Variants in NALF1 observed in about 807,000 individuals in gnomAD.
NALF1 encodes NALCN channel auxiliary factor 1.
A neutral mutation model predicts 48.4 loss-of-function variants in NALF1; 3 were observed. That is an observed-to-expected ratio of 0.06 (90% confidence interval 0.03 to 0.16). The LOEUF (loss-of-function observed/expected upper bound fraction) is 0.16, where lower values mean the gene tolerates loss of function less well. Among genes scored for constraint, NALF1 ranks in the 10% least tolerant of loss-of-function variants. The pLI, the probability that NALF1 is intolerant of heterozygous loss-of-function variation, is 1.00. For missense variants in NALF1, 526 were observed against 571.5 expected (o/e 0.92, Z 0.81); for synonymous variants, 262 against 245.7 (o/e 1.07, Z -0.62).
chr13:107,284,511 A>G (rs894286867), intron 1 of NALF1, among the ~76,000 whole-genome samples: 1 of 152,226 alleles, frequency 6.6e-6, no homozygotes, highest in African/African-American at 2.4e-5. Flanking sequence ...TGTGAAAAAA[A>G]CTAAAATATC....
chr13:107,741,061 T>A (rs983257529), intron 1 of NALF1, among the ~76,000 whole-genome samples: 3 of 152,186 alleles, frequency 2.0e-5, no homozygotes, highest in Non-Finnish European at 4.4e-5. Context: ...TTGATTCTCT[T>A]GTTTGGTATC....
rs112342470 is a variant in NALF1 at position 107,416,176 on chromosome 13, T to TTTG, written c.916-205422_916-205421insCAA. 5.0e-3 allele frequency among the ~76,000 whole-genome samples: 732 copies of TTTG among 147,726 alleles called. 8 individuals are homozygous for TTTG. The highest frequency in any genetic ancestry group is 0.017 in the African/African-American group (665 of 39,216). ...CACCCACCACCATGCCCGGCTAAAT[T>TTTG]TTTTTTTTTTTTGTATTTTTAGTAG... On this transcript the variant is annotated intron_variant, in intron 1 of 2. Coordinates refer to ENST00000375915, the MANE Select transcript of NALF1 (RefSeq NM_001080396.3).
intron 1 of NALF1, chr13:107,835,271 G>A (rs750008323): frequency 7.2e-5 from 11 of 152,182 alleles, no homozygotes; most frequent in Non-Finnish European, 1.5e-4. Context: ...GATACCAGAA[G>A]ATTAAAAAGC....
At position 107,341,046 on chromosome 13, in the gene NALF1, C is replaced by T. The variant is rs369395359; in HGVS notation, c.916-130291G>A. Reference sequence around the variant, plus strand: ...TTCATCTCCTAGTATCACCCCCCACCGCCCCCGCCGCCCCGAACACTTGCA... The same window carrying T: ...TTCATCTCCTAGTATCACCCCCCACTGCCCCCGCCGCCCCGAACACTTGCA... On this transcript the variant is annotated intron_variant, in intron 1 of 2. Coordinates refer to ENST00000375915, the MANE Select transcript of NALF1 (RefSeq NM_001080396.3). Among the ~76,000 whole-genome samples the T allele has an allele frequency of 3.7e-4, 56 of 152,012 alleles. No individual in the cohort carries two copies. The East Asian group carries it at 4.9e-3, about 13-fold the overall frequency.
chr13:107,425,150 T>C (rs924201710), intron 1 of NALF1, among the ~76,000 whole-genome samples: 3 of 152,212 alleles, frequency 2.0e-5, no homozygotes, highest in Non-Finnish European at 4.4e-5. Context: ...TGCTATTAAA[T>C]TTTGAGAAAA....
At chr13:107,693,673 A>C (rs1881627841) in intron 1 of NALF1, among the ~76,000 whole-genome samples, 1 of 147,880 alleles carries the variant, frequency 6.8e-6, no homozygotes, top group South Asian at 2.1e-4. Context: ...ATTGTTGCTT[A>C]TTTAGTACTT....
At chr13:107,658,223 TCTTA>T (rs1350864305) in intron 1 of NALF1, among the ~76,000 whole-genome samples, 4 of 150,894 alleles carry the variant, frequency 2.7e-5, no homozygotes, top group African/African-American at 7.3e-5. Context: ...GGTGGATTTA[TCTTA>T]CTTAGTCTTC....
chr13:107,487,464 A>T (rs1272452485), intron 1 of NALF1, among the ~76,000 whole-genome samples: 2 of 152,226 alleles, frequency 1.3e-5, no homozygotes, highest in African/African-American at 2.4e-5. Context: ...CTTAAAATAC[A>T]TTAGGGTGTG....
intron 1 of NALF1, among the ~76,000 whole-genome samples, chr13:107,757,453 G>A (rs891416650): frequency 3.1e-5 from 4 of 131,052 alleles, no homozygotes; most frequent in Non-Finnish European, 6.2e-5. Context: ...AGGTACTATC[G>A]AAAGTCTATG....
chr13:107,480,529 G>T (rs1449520447), intron 1 of NALF1, among the ~76,000 whole-genome samples: 1 of 152,114 alleles, frequency 6.6e-6, no homozygotes, highest in Non-Finnish European at 1.5e-5. Flanking sequence ...AGTGAAAGAA[G>T]AATTGTCTTG....
chr13:107,347,535 T>C (rs77226300), intron 1 of NALF1, among the ~76,000 whole-genome samples: 6 of 152,304 alleles, frequency 3.9e-5, no homozygotes, highest in Middle Eastern at 3.4e-3. Context: ...TACAGTACAG[T>C]CTATTTTAAA....
intron 1 of NALF1, among the ~76,000 whole-genome samples, chr13:107,602,260 T>C (rs767141208): frequency 6.6e-6 from 1 of 152,188 alleles, no homozygotes; most frequent in African/African-American, 2.4e-5. Flanking sequence ...AAAATCTATA[T>C]ACTCAGATCA....
At chr13:107,592,524 A>G (rs2138418397) in intron 1 of NALF1, among the ~76,000 whole-genome samples, 1 of 152,118 alleles carries the variant, frequency 6.6e-6, no homozygotes, top group African/African-American at 2.4e-5. Flanking sequence ...GAAGGGAAGT[A>G]CTGGCATAAA....
intron 1 of NALF1, among the ~76,000 whole-genome samples, chr13:107,729,831 G>A (rs1221108098): frequency 2.0e-5 from 3 of 152,096 alleles, no homozygotes; most frequent in African/African-American, 4.8e-5. Context: ...AAACTAACTC[G>A]GAGGGTGTAG....
In NALF1 at chr13:107,866,636, G is replaced by A. The variant is rs1470527851; in HGVS notation, c.-40C>T. 1.8e-5 allele frequency: 28 copies of A among 1,549,664 alleles called. No homozygotes were observed. Among genetic ancestry groups the A allele is most frequent in the Non-Finnish European group, 2.4e-5 (28 of 1,150,320 alleles). On this transcript the variant is annotated 5_prime_UTR_variant, in exon 1 of 3. Transcript: ENST00000375915. The surrounding 1 kb of genome is among the most constrained non-coding windows in gnomAD (Gnocchi z 4.4). ...CAGCCCTGGCCGACTCCACCGTGAG[G>A]GCGCCTGTGCCGGTGTCACCACAAT...
intron 1 of NALF1, among the ~76,000 whole-genome samples, chr13:107,674,497 T>C (rs921170423): frequency 5.9e-5 from 9 of 152,188 alleles, no homozygotes; most frequent in Non-Finnish European, 1.2e-4. Context: ...TTCTTTTCAA[T>C]TGACTTCTAT....
intron 1 of NALF1, among the ~76,000 whole-genome samples, chr13:107,532,198 A>T (rs1876660760): frequency 6.6e-6 from 1 of 152,180 alleles, no homozygotes; most frequent in African/African-American, 2.4e-5. Context: ...AGTAGAGTTT[A>T]AAAAGCTACA....
At chr13:107,491,761 C>T (rs956099540) in intron 1 of NALF1, among the ~76,000 whole-genome samples, 6 of 151,886 alleles carry the variant, frequency 4.0e-5, no homozygotes, top group East Asian at 1.9e-4. Flanking sequence ...TTCCATAAGT[C>T]GTTAGTAAAT....
At chr13:107,644,436 T>A (rs938160530) in intron 1 of NALF1, among the ~76,000 whole-genome samples, 1 of 149,732 alleles carries the variant, frequency 6.7e-6, no homozygotes, top group African/African-American at 2.5e-5. Context: ...AAAAAAAAAA[T>A]CTATCCAGTG....
Sources: gnomAD v4.1 joint callset for allele counts (sites outside exome capture counted in the v4.1 genomes callset) on GRCh38, gnomAD v4.1.1 for gene constraint, Gnocchi (gnomAD v3.1) non-coding constraint, MANE v1.5 for transcripts, NCBI Gene and HGNC (gene_info 2026-07-23, HGNC 2026-07-21) for gene names.